ZFPM2: variants seen among roughly 807,000 people sequenced by gnomAD.
ZFPM2 encodes zinc finger protein ZFPM2.
In ZFPM2, 20 loss-of-function variants were observed where a neutral mutation model predicts 98.6. That is an observed-to-expected ratio of 0.20 (90% CI 0.14 to 0.29). ZFPM2 has a LOEUF of 0.29. Among genes scored for constraint, ZFPM2 ranks in the 10% least tolerant of loss-of-function variants. The probability of loss-of-function intolerance (pLI) is 1.00; values close to 1 mark genes in which losing one functional copy is unlikely to be tolerated. For missense variants in ZFPM2, 1,310 were observed against 1,388.6 expected, an observed-to-expected ratio of 0.94 and a Z score of 0.90; for synonymous variants, 518 against 502.7, an observed-to-expected ratio of 1.03 and a Z score of -0.41.
intron 5 of ZFPM2, among the ~76,000 whole-genome samples, chr8:105,781,805 C>G (rs1239235287): frequency 6.6e-6 from 1 of 152,170 alleles, no homozygotes; most frequent in East Asian, 1.9e-4. Context: ...CATTTAAAAA[C>G]TCTATCTAAT....
chr8:105,373,536 T>C (rs1810664866), intron 1 of ZFPM2, among the ~76,000 whole-genome samples: 1 of 152,196 alleles, frequency 6.6e-6, no homozygotes, highest in Non-Finnish European at 1.5e-5. Flanking sequence ...TCATTACAGA[T>C]TATGTAGGCA....
At chr8:105,360,563 G>A (rs113941410) in intron 1 of ZFPM2, among the ~76,000 whole-genome samples, 153 of 151,954 alleles carry the variant, frequency 1.0e-3, no homozygotes, top group African/African-American at 3.3e-3. Context: ...ATGCTGGTGC[G>A]CTGCACCCAC....
chr8:105,324,888 A>T (rs560496732), intron 1 of ZFPM2, among the ~76,000 whole-genome samples: 1 of 152,036 alleles, frequency 6.6e-6, no homozygotes, highest in East Asian at 1.9e-4. Flanking sequence ...AATTGTGTGA[A>T]GAATATAACA....
At chr8:105,672,054 TCA>T (rs549893448) in intron 5 of ZFPM2, among the ~76,000 whole-genome samples, 165 of 152,282 alleles carry the variant, frequency 1.1e-3, no homozygotes, top group Non-Finnish European at 1.9e-3. Flanking sequence ...CTGATTTGTT[TCA>T]TCAAATAAAT....
intron 3 of ZFPM2, among the ~76,000 whole-genome samples, chr8:105,485,877 T>A (rs1189783012): frequency 5.3e-5 from 8 of 152,132 alleles, no homozygotes; most frequent in Non-Finnish European, 1.2e-4. Flanking sequence ...AAGAAGCGAT[T>A]TAAGCTTCTT....
chr8:105,471,542 G>T (rs562326996), intron 3 of ZFPM2, among the ~76,000 whole-genome samples: 5 of 152,162 alleles, frequency 3.3e-5, no homozygotes, highest in Non-Finnish European at 7.4e-5. Context: ...GGATTAACCT[G>T]GTGTCAAGTC....
chr8:105,326,156 T>G (rs1470715046), intron 1 of ZFPM2, among the ~76,000 whole-genome samples: 1 of 151,534 alleles, frequency 6.6e-6, no homozygotes, highest in Non-Finnish European at 1.5e-5. Context: ...ATAAGGAAAA[T>G]CCTAAACAAT....
rs556870922 is a variant in ZFPM2, at chr8:105,396,713, C to T, written c.41-22431C>T. On this transcript the variant is annotated intron_variant, in intron 1 of 7. Coordinates refer to ENST00000407775, the MANE Select transcript of ZFPM2 (RefSeq NM_012082.4). ...TGCATTTCAAGGACAATGAGGAAGA[C>T]TCCTGACAACATTCACTTGCATTAG... is the stretch of plus-strand genomic sequence containing the variant. Among the ~76,000 whole-genome samples, 80 of 152,274 alleles carry T rather than the reference C, an allele frequency of 5.3e-4. 1 individual carries two copies. The South Asian group carries it at 0.017, about 32-fold the overall frequency.
intron 5 of ZFPM2, among the ~76,000 whole-genome samples, chr8:105,688,371 A>G (rs1810792991): frequency 6.6e-6 from 1 of 152,124 alleles, no homozygotes; most frequent in Non-Finnish European, 1.5e-5. Context: ...TGTAAGCTTT[A>G]AAATATTGAG....
intron 1 of ZFPM2, among the ~76,000 whole-genome samples, chr8:105,382,394 A>G (rs1465487359): frequency 6.6e-6 from 1 of 152,024 alleles, no homozygotes; most frequent in Admixed American, 6.6e-5. Context: ...GTTTTATTGT[A>G]TTTTCAATAT....
At chr8:105,785,200 C>T (rs1251389788) in intron 5 of ZFPM2, 1 of 152,148 alleles carries the variant, frequency 6.6e-6, no homozygotes, top group Non-Finnish European at 1.5e-5. Flanking sequence ...TATGTCTTCT[C>T]CAAGTTCCAT....
At chr8:105,374,603 C>T (rs1810686183) in intron 1 of ZFPM2, among the ~76,000 whole-genome samples, 1 of 152,026 alleles carries the variant, frequency 6.6e-6, no homozygotes, top group Admixed American at 6.6e-5. Flanking sequence ...CCAGGCTGTT[C>T]TTGAACTCCT....
intron 1 of ZFPM2, among the ~76,000 whole-genome samples, chr8:105,372,235 G>T (rs1810637989): frequency 6.6e-6 from 1 of 151,792 alleles, no homozygotes; most frequent in Non-Finnish European, 1.5e-5. Flanking sequence ...GTAGAGACAG[G>T]GTTTCACCGT....
chr8:105,324,838 A>G (rs922190216), intron 1 of ZFPM2, among the ~76,000 whole-genome samples: 1 of 151,950 alleles, frequency 6.6e-6, no homozygotes, highest in Non-Finnish European at 1.5e-5. Flanking sequence ...GTTTTAAATA[A>G]AGTGATACCA....
intron 4 of ZFPM2, among the ~76,000 whole-genome samples, chr8:105,625,519 C>T (rs552155969): frequency 4.6e-5 from 7 of 151,854 alleles, no homozygotes; most frequent in Admixed American, 1.3e-4. Context: ...TGACATGGCT[C>T]GCTGTGTTTG....
intron 1 of ZFPM2, among the ~76,000 whole-genome samples, chr8:105,342,440 T>C (rs893468946): frequency 5.3e-5 from 8 of 151,934 alleles, no homozygotes; most frequent in East Asian, 1.9e-4. Context: ...ACAAACTGGG[T>C]AATTTGAAAT....
intron 2 of ZFPM2, among the ~76,000 whole-genome samples, chr8:105,419,944 ATACTC>A (rs1225789607): frequency 1.3e-5 from 2 of 152,038 alleles, no homozygotes; most frequent in African/African-American, 4.8e-5. Flanking sequence ...TGGAGCATAT[ATACTC>A]ATTTGTTTAC....
chr8:105,358,814 G>T (rs1812799350), intron 1 of ZFPM2, among the ~76,000 whole-genome samples: 1 of 152,132 alleles, frequency 6.6e-6, no homozygotes, highest in South Asian at 2.1e-4. Flanking sequence ...AATTAGCTGG[G>T]TGTGGTGGTG....
chr8:105,437,146 A>T (rs1412728746), intron 2 of ZFPM2, among the ~76,000 whole-genome samples: 1 of 152,140 alleles, frequency 6.6e-6, no homozygotes, highest in Non-Finnish European at 1.5e-5. Context: ...TGTGATATAT[A>T]TTGCATACCC....
Sources: allele counts gnomAD v4.1 joint callset (sites outside exome capture counted in the v4.1 genomes callset), GRCh38; gene constraint gnomAD v4.1.1; transcripts MANE v1.5; gene names NCBI Gene and HGNC (gene_info 2026-07-23, HGNC 2026-07-21).